TTLL2: variants seen among roughly 807,000 people sequenced by gnomAD.
The protein encoded by TTLL2 is tubulin tyrosine ligase like 2.
A neutral mutation model predicts 7.5 loss-of-function variants in TTLL2; 10 were observed. That is an observed-to-expected ratio of 1.33 (90% CI 0.82 to 2.25). The LOEUF (loss-of-function observed/expected upper bound fraction) is 2.25. Among genes scored for constraint, TTLL2 ranks in the 30% most tolerant of loss-of-function variants. TTLL2 has a pLI of 0.00. For missense variants in TTLL2, 733 were observed against 735.7 expected (o/e 1.00, Z 0.04); for synonymous variants, 284 against 280.3 (o/e 1.01, Z -0.13).
At chr6:167,335,826 TG>T (rs1337562316) in intron 1 of TTLL2, among the ~76,000 whole-genome samples, 1 of 63,898 alleles carries the variant, frequency 1.6e-5, no homozygotes, top group Non-Finnish European at 2.9e-5. Flanking sequence ...TGTGGTGGGG[TG>T]GGGGGAGGGG....
rs541272400 is a variant in TTLL2, at chr6:167,331,976, T to C, written c.48-6671T>C. Among the ~76,000 whole-genome samples the C allele has an allele frequency of 3.3e-5, 5 of 152,342 alleles. No individual in the cohort carries two copies. In the East Asian group the frequency reaches 9.6e-4, roughly 29 times the overall value. On this transcript the variant is annotated intron_variant, in intron 1 of 2. Transcript: ENST00000239587. ...GTATGATTCGTGAATCATTCGTTGC[T>C]CAACTAAACTCCTTTAAATTTAATT...
intron 1 of TTLL2, chr6:167,327,866 A>C (rs1778866424): frequency 1.6e-5 from 6 of 377,592 alleles, no homozygotes; most frequent in Non-Finnish European, 3.2e-5. Flanking sequence ...AGAGGCAAAG[A>C]GCAGCATTGC....
rs781613873 is a variant in TTLL2 at position 167,340,274 on chromosome 6, G to GT, written c.374_375insT (p.Trp125CysfsTer15). Reference sequence around the variant, plus strand: ...AACGCGGAGGACTGGAACCTGTACTGGAGGACATCCTCTTTCCGAATGACC... The same window carrying GT: ...AACGCGGAGGACTGGAACCTGTACTGTGAGGACATCCTCTTTCCGAATGACC... On this transcript the variant is annotated frameshift_variant, in exon 3 of 3. Coordinates refer to ENST00000239587, the MANE Select transcript of TTLL2 (RefSeq NM_031949.5). LOFTEE classifies it low-confidence loss of function (END_TRUNC). 1 of 1,614,042 alleles carries GT rather than the reference G, an allele frequency of 6.2e-7. No individual in the cohort carries two copies. Among genetic ancestry groups the GT allele is most frequent in the South Asian group, 1.1e-5 (1 of 91,066 alleles).
Position 167,325,111 on chromosome 6 carries a change from T to G in TTLL2, c.-63T>G. Reference sequence around the variant, plus strand: ...AGTGCTCCCTCCAGCCTCCGCGCATTTCAGCTGGCGCTGCAGCTGCTGCAC... The same window carrying G: ...AGTGCTCCCTCCAGCCTCCGCGCATGTCAGCTGGCGCTGCAGCTGCTGCAC... On this transcript the variant is annotated 5_prime_UTR_variant, in exon 1 of 3. In the 5' UTR this introduces an upstream ATG that the reference lacks. Transcript: ENST00000239587. 6.5e-7 allele frequency: 1 copy of G among 1,532,232 alleles called. No homozygotes were observed. Among genetic ancestry groups the G allele is most frequent in the Non-Finnish European group, 8.8e-7 (1 of 1,133,734 alleles). 94.9% of individuals were successfully genotyped at this position (1,532,232 alleles called of 1,614,324 possible).
rs1298591053 is a variant in TTLL2 at position 167,325,193 on chromosome 6, G to A, written c.20G>A (p.Cys7Tyr). 1.6e-5 allele frequency: 26 copies of A among 1,578,848 alleles called. No homozygotes were observed. Among genetic ancestry groups the A allele is most frequent in the Non-Finnish European group, 2.2e-5 (26 of 1,163,170 alleles). The change falls in exon 1 of 3, where the codon TGT (cysteine) becomes TAT (tyrosine). Residue 7 changes from cysteine to tyrosine, a missense_variant. Cys to Tyr is a radical substitution (Grantham distance 194, BLOSUM62 -2). Transcript: ENST00000239587. Reference sequence around the variant, plus strand: ...CGCCCAATGAGAGGGCGGGACCTGTGTTCCTCCACACAAAGCCAGGCGCTG... The same window carrying A: ...CGCCCAATGAGAGGGCGGGACCTGTATTCCTCCACACAAAGCCAGGCGCTG... MRGRDL[C>Y]SSTQSQALGS...
rs1779052380 is a variant in TTLL2 at position 167,340,115 on chromosome 6, A to T, written c.215A>T (p.His72Leu). Residue 72 changes from histidine (H) to leucine (L), a missense_variant, in exon 3 of 3, where the codon CAT becomes CTT. Transcript: ENST00000239587. ...ATGATCCATTTTTAGAAAAAACCTC[A>T]TTTGATGGCGGAAGATGAACCTTCA... ...TPTLEKKKKP[H>L]LMAEDEPSGA... The T allele has an allele frequency of 6.4e-7, 1 of 1,572,350 alleles. No individual in the cohort carries two copies. The highest frequency in any genetic ancestry group is 2.2e-5 in the East Asian group (1 of 44,674).
intron 2 of TTLL2, 64 bp downstream of exon 2, chr6:167,338,867 C>CCTTCCTTG (rs1201158018): frequency 6.9e-7 from 1 of 1,459,654 alleles, no homozygotes; most frequent in Non-Finnish European, 9.1e-7. Flanking sequence ...TTCCTTCCTT[C>CCTTCCTTG]TTTCCTCCTT....
chr6:167,331,569 G>C (rs140772211), intron 1 of TTLL2, among the ~76,000 whole-genome samples: 470 of 152,240 alleles, frequency 3.1e-3, no homozygotes, highest in Middle Eastern at 0.01. Flanking sequence ...TTCCATCCAT[G>C]ATGGCATGAA....
chr6:167,337,218 T>G (rs1310342520), intron 1 of TTLL2, among the ~76,000 whole-genome samples: 1 of 152,190 alleles, frequency 6.6e-6, no homozygotes, highest in Non-Finnish European at 1.5e-5. Flanking sequence ...AGTTCTTGAG[T>G]ATGCATTGCT....
chr6:167,325,347 C>T (rs1266407728), intron 1 of TTLL2, 127 bp downstream of exon 1: 1 of 892,582 alleles, frequency 1.1e-6, no homozygotes, highest in Non-Finnish European at 1.6e-6. Context: ...ACTGGGACCC[C>T]CGAGGGGCAA....
chr6:167,325,272 C>T (rs1778834680), intron 1 of TTLL2, 52 bp downstream of exon 1: 2 of 1,482,050 alleles, frequency 1.3e-6, no homozygotes, highest in Admixed American at 2.2e-5. Context: ...GATCATGCCT[C>T]TGTTCCAGGA....
intron 1 of TTLL2, among the ~76,000 whole-genome samples, chr6:167,332,021 A>C (rs1479177544): frequency 2.0e-5 from 3 of 152,126 alleles, no homozygotes. Flanking sequence ...TTTTTTTTTA[A>C]CAATAGTATT....
chr6:167,341,475 G>A lies in TTLL2; in HGVS notation c.1575G>A (p.Ala525=), dbSNP rs35259397. 17,093 of 1,614,060 alleles carry A rather than the reference G, an allele frequency of 0.011. 129 individuals carry two copies. The highest frequency in any genetic ancestry group is 0.012 in the Non-Finnish European group (14,648 of 1,180,032). ...HTPHKTLMPY[A]SLFQSHSCKT... ...CTCACAAGACACTCATGCCCTACGCGTCCCTCTTCCAGTCGCACTCCTGCA... is the reference window on the plus strand; with the variant it reads ...CTCACAAGACACTCATGCCCTACGCATCCCTCTTCCAGTCGCACTCCTGCA... The change falls in exon 3 of 3, where the codon GCG becomes GCA. Residue 525 remains alanine, a synonymous_variant. Transcript: ENST00000239587.
chr6:167,339,028 C>A (rs1779034031), intron 2 of TTLL2, among the ~76,000 whole-genome samples: 1 of 148,338 alleles, frequency 6.7e-6, no homozygotes, highest in African/African-American at 2.5e-5. Flanking sequence ...TCTACTCTTT[C>A]CTTCCCTCAT....
At chr6:167,331,905 G>A (rs996995266) in intron 1 of TTLL2, among the ~76,000 whole-genome samples, 2 of 152,158 alleles carry the variant, frequency 1.3e-5, no homozygotes, top group Non-Finnish European at 2.9e-5. Context: ...TTCTGACGAC[G>A]AGGCACCCCT....
intron 1 of TTLL2, among the ~76,000 whole-genome samples, chr6:167,325,727 G>C (rs1442823644): frequency 6.6e-6 from 1 of 152,126 alleles, no homozygotes; most frequent in Non-Finnish European, 1.5e-5. Context: ...GGATAAGTGT[G>C]AAGTGGTATG....
In TTLL2 at chr6:167,328,177, G is replaced by C. The variant is rs79203298; in HGVS notation, c.47+2957G>C. The C allele has an allele frequency of 1.9e-4, 85 of 454,412 alleles. 2 individuals carry two copies. In the East Asian group the frequency reaches 5.3e-3, roughly 28 times the overall value. The allele number at this position is 454,412 out of a possible 1,614,324, so 28.1% of individuals were successfully genotyped here. A position where few individuals can be genotyped will look rare whatever the true frequency, so the allele number is the denominator to read the frequency against. ...ATTTTTGCAGAGCCTGTCTTGGATG[G>C]AAGAAAGCACCAAAACTAGGAGCTG... On this transcript the variant is annotated intron_variant, in intron 1 of 2. Transcript: ENST00000239587.
intron 1 of TTLL2, among the ~76,000 whole-genome samples, chr6:167,332,416 C>G (rs1014331287): frequency 6.6e-6 from 1 of 152,102 alleles, no homozygotes; most frequent in Non-Finnish European, 1.5e-5. Context: ...TATAAGGAGG[C>G]AATGTTAGGC....
At chr6:167,337,809 AAC>A (rs1779009366) in intron 1 of TTLL2, among the ~76,000 whole-genome samples, 1 of 151,246 alleles carries the variant, frequency 6.6e-6, no homozygotes, top group South Asian at 2.1e-4. Context: ...ACACACAGAT[AAC>A]ACACACAACA....
Sources: gnomAD v4.1 joint callset for allele counts (sites outside exome capture counted in the v4.1 genomes callset) on GRCh38, gnomAD v4.1.1 for gene constraint, MANE v1.5 for transcripts, NCBI Gene and HGNC (gene_info 2026-07-23, HGNC 2026-07-21) for gene names.